The following GABRA5 variants were observed in gnomAD, a reference collection of about 807,000 sequenced individuals.
GABRA5 encodes the protein gamma-aminobutyric acid type A receptor subunit alpha5.
GABRA5 carries 18 observed loss-of-function variants against 47.3 expected under a neutral mutation model. That is an observed-to-expected ratio of 0.38 (90% CI 0.26 to 0.56). GABRA5 has a LOEUF of 0.56. Among genes scored for constraint, GABRA5 ranks in the 20% least tolerant of loss-of-function variants. The pLI is 0.71. For missense variants in GABRA5, 365 were observed against 599.3 expected (o/e 0.61, Z 4.08); for synonymous variants, 237 against 229.3 (o/e 1.03, Z -0.30).
At chr15:26,930,418 C>T (rs1363665429) in intron 7 of GABRA5, among the ~76,000 whole-genome samples, 1 of 152,176 alleles carries the variant, frequency 6.6e-6, no homozygotes, top group African/African-American at 2.4e-5. Flanking sequence ...AGCATATTTC[C>T]TTAGCCGATA....
At chr15:26,920,724 A>T (rs575527521) in intron 7 of GABRA5, among the ~76,000 whole-genome samples, 1 of 152,302 alleles carries the variant, frequency 6.6e-6, no homozygotes, top group African/African-American at 2.4e-5. Flanking sequence ...TTGTACAGGG[A>T]AAGACCTTCA....
At chr15:26,871,124 G>A (rs1267421544) in intron 3 of GABRA5, among the ~76,000 whole-genome samples, 3 of 152,200 alleles carry the variant, frequency 2.0e-5, no homozygotes, top group Non-Finnish European at 4.4e-5. Flanking sequence ...AACCCGGGAG[G>A]TGGAGGTTGC....
intron 7 of GABRA5, among the ~76,000 whole-genome samples, chr15:26,928,735 C>T (rs8028947): frequency 0.8 from 122,102 of 151,954 alleles, 49,376 homozygotes; most frequent in East Asian, 0.89. Context: ...CAGAATACCA[C>T]AAACTGAGGG....
chr15:26,869,561 G>A (rs1407544617), intron 3 of GABRA5, among the ~76,000 whole-genome samples: 1 of 152,194 alleles, frequency 6.6e-6, no homozygotes, highest in Admixed American at 6.5e-5. Flanking sequence ...AGAAAAAAAG[G>A]CAGATTATGT....
chr15:26,897,930 A>G (rs138815479), intron 6 of GABRA5, among the ~76,000 whole-genome samples: 1 of 152,264 alleles, frequency 6.6e-6, no homozygotes, highest in Non-Finnish European at 1.5e-5. Context: ...AGTTCATGAC[A>G]CTTGGGGACT....
At chr15:26,888,271 A>T (rs1375954051) in intron 6 of GABRA5, among the ~76,000 whole-genome samples, 3 of 152,234 alleles carry the variant, frequency 2.0e-5, no homozygotes, top group Non-Finnish European at 2.9e-5. Context: ...AGAGCAGCAA[A>T]CATCTCCTGT....
intron 6 of GABRA5, among the ~76,000 whole-genome samples, chr15:26,886,247 T>C (rs1475734492): frequency 6.6e-6 from 1 of 152,148 alleles, no homozygotes. Context: ...ATTGAACTCC[T>C]GACCTCAGGT....
Position 26,880,933 on chromosome 15 carries a change from T to G in GABRA5, c.174T>G (p.Asp58Glu), listed in dbSNP as rs760302333. Residue 58 changes from aspartate to glutamate, a missense_variant, in exon 4 of 11, where the codon GAT becomes GAG. Physicochemically the swap from Asp to Glu is conservative, Grantham distance 45 (BLOSUM62 2). Coordinates refer to ENST00000335625, the MANE Select transcript of GABRA5 (RefSeq NM_000810.4). ...CCAGGATCTTGGATGGGCTCTTGGA[T>G]GGCTACGACAACAGACTTCGGCCCG... The part of the protein sequence containing the change: ...IFTRILDGLL[D>E]GYDNRLRPGL... 5 of 1,614,000 alleles carry G rather than the reference T, an allele frequency of 3.1e-6. No homozygotes were observed. In the South Asian group the frequency reaches 3.3e-5, roughly 11 times the overall value.
rs778353404 is a variant in GABRA5, at chr15:26,880,953, G to A, written c.194G>A (p.Arg65Gln). The A allele has an allele frequency of 6.2e-7, 1 of 1,613,780 alleles. No homozygotes were observed. The highest frequency in any genetic ancestry group is 1.1e-5 in the South Asian group (1 of 91,068). The change falls in exon 4 of 11, where the codon CGG (arginine) becomes CAG (glutamine). Residue 65 changes from arginine to glutamine, a missense_variant. Arg to Gln is a conservative substitution (Grantham distance 43, BLOSUM62 1). Around this residue, in one of 3 missense-constraint regions of GABRA5, gnomAD observed 216 missense variants for 335.3 expected, o/e 0.64. Coordinates refer to ENST00000335625, the MANE Select transcript of GABRA5 (RefSeq NM_000810.4). ...GLLDGYDNRL[R>Q]PGLGERITQV... is the part of the protein sequence containing the mutation. Reference sequence around the variant, plus strand: ...TTGGATGGCTACGACAACAGACTTCGGCCCGGGCTGGGAGGTGAGTGTGCT... The same window carrying A: ...TTGGATGGCTACGACAACAGACTTCAGCCCGGGCTGGGAGGTGAGTGTGCT...
At chr15:26,929,996 TCTTC>T (rs1894053823) in intron 7 of GABRA5, among the ~76,000 whole-genome samples, 2 of 130,744 alleles carry the variant, frequency 1.5e-5, no homozygotes, top group South Asian at 5.2e-4. Context: ...TTCTTCTTCT[TCTTC>T]TTCTTCTTTT....
At chr15:26,923,258 C>T (rs890992728) in intron 7 of GABRA5, among the ~76,000 whole-genome samples, 12 of 152,242 alleles carry the variant, frequency 7.9e-5, no homozygotes, top group Admixed American at 2.6e-4. Flanking sequence ...AGCAAACTTT[C>T]TCTAGCCATT....
At chr15:26,921,790 A>G (rs909768126) in intron 7 of GABRA5, among the ~76,000 whole-genome samples, 1 of 151,946 alleles carries the variant, frequency 6.6e-6, no homozygotes. Context: ...TAGTCATTGT[A>G]TTTTCCTTTC....
chr15:26,931,224 G>A (rs1162658897), intron 7 of GABRA5, among the ~76,000 whole-genome samples: 1 of 152,108 alleles, frequency 6.6e-6, no homozygotes, highest in Non-Finnish European at 1.5e-5. Flanking sequence ...GGTTCATTCA[G>A]TCTGCTATAA....
intron 6 of GABRA5, among the ~76,000 whole-genome samples, chr15:26,911,388 C>CAAACACACACAA (rs1555391759): frequency 1.4e-5 from 2 of 146,652 alleles, no homozygotes; most frequent in South Asian, 2.2e-4. Context: ...CACACACACA[C>CAAACACACACAA]ACACACACAA....
At chr15:26,884,365 T>C (rs186909469) in intron 6 of GABRA5, among the ~76,000 whole-genome samples, 28 of 152,328 alleles carry the variant, frequency 1.8e-4, no homozygotes, top group Admixed American at 1.6e-3. Flanking sequence ...TTTGAATTAT[T>C]CATTGCCTTG....
chr15:26,916,820 C>A (rs1199281996), intron 7 of GABRA5, among the ~76,000 whole-genome samples: 1 of 151,652 alleles, frequency 6.6e-6, no homozygotes. Flanking sequence ...GTATTTTGTT[C>A]TTTTTGATGC....
In GABRA5 at chr15:26,886,180, C is replaced by T. The variant is rs146991688; in HGVS notation, c.497+2623C>T. 6.1e-3 allele frequency among the ~76,000 whole-genome samples: 934 copies of T among 152,138 alleles called. 8 individuals carry two copies. Among genetic ancestry groups the T allele is most frequent in the African/African-American group, 0.022 (897 of 41,504 alleles). The stretch of plus-strand genomic sequence containing the variant: ...GATTACAGGCGTGTGCCACCACACC[C>T]GGCTGATTTTTGTATTTTTAGTAGG... On this transcript the variant is annotated intron_variant, in intron 6 of 10. Transcript: ENST00000335625.
In GABRA5 at chr15:26,919,421, C is replaced by T. The variant is rs35666182; in HGVS notation, c.580+4536C>T. Among the ~76,000 whole-genome samples, 1,636 of 152,010 alleles carry T rather than the reference C, an allele frequency of 0.011. 112 individuals carry two copies. The East Asian group carries it at 0.19, about 18-fold the overall frequency. On this transcript the variant is annotated intron_variant, in intron 7 of 10. Transcript: ENST00000335625. ...CTGTAACTTCTATAGTTATTATCTT[C>T]GTGGTTACGGTGTAGCTTATATAAA...
rs191724653 is a variant in GABRA5, at chr15:26,870,602, G to A, written c.86+1268G>A. Among the ~76,000 whole-genome samples the A allele has an allele frequency of 1.2e-4, 18 of 152,334 alleles. No individual in the cohort carries two copies. In the East Asian group the frequency reaches 3.5e-3, roughly 29 times the overall value. On this transcript the variant is annotated intron_variant, in intron 3 of 10. Transcript: ENST00000335625. ...CCCTTGGGAAAGAGCATTGGCCGTG[G>A]CTCTTGCCTTGCTTATCTTGAGTGG...
Sources: allele counts gnomAD v4.1 joint callset (sites outside exome capture counted in the v4.1 genomes callset), GRCh38; gene constraint gnomAD v4.1.1; regional missense constraint gnomAD v4.1.1; transcripts MANE v1.5; gene names NCBI Gene and HGNC (gene_info 2026-07-23, HGNC 2026-07-21).